The following GNB5 variants were observed in gnomAD, a reference collection of about 807,000 sequenced individuals.
The protein encoded by GNB5 is G protein subunit beta 5, also known as guanine nucleotide-binding protein subunit beta-5.
Under a neutral mutation model 55.3 loss-of-function variants are expected in GNB5, and 37 were observed. The observed-to-expected ratio is 0.67, with a 90% CI of 0.51 to 0.88. The LOEUF (loss-of-function observed/expected upper bound fraction) is 0.88, where lower values mean the gene tolerates loss of function less well. GNB5 is among the 40% of genes least tolerant of loss of function. The pLI is 0.00. For synonymous variants in GNB5, 219 were observed against 198.5 expected, an observed-to-expected ratio of 1.10 and a Z score of -0.87; for missense variants, 476 against 515.3, an observed-to-expected ratio of 0.92 and a Z score of 0.74.
Position 52,126,000 on chromosome 15 carries a change from A to G in GNB5, c.957T>C (p.Tyr319=). 6.3e-7 allele frequency: 1 copy of G among 1,590,422 alleles called. No homozygotes were observed. Among genetic ancestry groups the G allele is most frequent in the Middle Eastern group, 1.9e-4 (1 of 5,330 alleles). ...CTCCAAATATGATGCTTTCTTTGGAATAGATGGCAACCTCCCTATCTGCCC... is the reference window on the plus strand; with the variant it reads ...CTCCAAATATGATGCTTTCTTTGGAGTAGATGGCAACCTCCCTATCTGCCC... ...DLRADREVAI[Y]SKESIIFGAS... The change falls in exon 11 of 13, where the codon TAT becomes TAC. Residue 319 remains tyrosine, a synonymous_variant. Transcript: ENST00000261837.
chr15:52,172,739 C>A (rs1193531788), intron 3 of GNB5, among the ~76,000 whole-genome samples: 2 of 152,136 alleles, frequency 1.3e-5, no homozygotes, highest in African/African-American at 4.8e-5. Flanking sequence ...GTACTCCAGC[C>A]TGTGTGACAG....
chr15:52,127,855 T>C (rs2033467450), intron 10 of GNB5, among the ~76,000 whole-genome samples: 1 of 151,442 alleles, frequency 6.6e-6, no homozygotes, highest in Non-Finnish European at 1.5e-5. Flanking sequence ...TGTCCAAAAA[T>C]TGAAGACGAA....
intron 3 of GNB5, among the ~76,000 whole-genome samples, chr15:52,157,309 C>T (rs1003103496): frequency 3.8e-4 from 55 of 145,432 alleles, no homozygotes; most frequent in African/African-American, 1.3e-3. Context: ...TGCAGTGGTG[C>T]CATCTTGGCT....
chr15:52,131,997 T>G (rs2033590431), intron 9 of GNB5, among the ~76,000 whole-genome samples: 1 of 152,158 alleles, frequency 6.6e-6, no homozygotes. Context: ...AAAGCCCACC[T>G]CCTCCCGCTA....
At chr15:52,134,233 G>C (rs982165169) in intron 8 of GNB5, among the ~76,000 whole-genome samples, 1 of 152,212 alleles carries the variant, frequency 6.6e-6, no homozygotes, top group Non-Finnish European at 1.5e-5. Context: ...GAGTGGTCAT[G>C]TTATCAAGCT....
chr15:52,142,591 A>G (rs533686912), intron 6 of GNB5, among the ~76,000 whole-genome samples: 32 of 151,588 alleles, frequency 2.1e-4, no homozygotes, highest in Middle Eastern at 3.4e-3. Context: ...TATGACCCCT[A>G]TTGGTCCTTG....
intron 9 of GNB5, among the ~76,000 whole-genome samples, chr15:52,131,107 T>A (rs1004434330): frequency 3.3e-5 from 5 of 152,232 alleles, no homozygotes; most frequent in African/African-American, 1.2e-4. Context: ...ATTACAGGCG[T>A]GAGCCACGGT....
chr15:52,163,290 C>T (rs74015615), intron 3 of GNB5, among the ~76,000 whole-genome samples: 126 of 152,288 alleles, frequency 8.3e-4, no homozygotes, highest in African/African-American at 2.9e-3. Flanking sequence ...CAGGAGTTTT[C>T]GCAAACTCCG....
At chr15:52,139,817 T>C (rs2033809889) in intron 7 of GNB5, 2 of 1,258,640 alleles carry the variant, frequency 1.6e-6, no homozygotes, top group Non-Finnish European at 2.1e-6. Context: ...TCTCACCTAC[T>C]GGTGCCCCCT....
chr15:52,144,189 T>C (rs1442774148), intron 6 of GNB5: 1 of 152,250 alleles, frequency 6.6e-6, no homozygotes, highest in African/African-American at 2.4e-5. Flanking sequence ...CCATGGGAAT[T>C]CTTCCGCTGC....
At chr15:52,128,956 T>C (rs1446602662) in intron 9 of GNB5, among the ~76,000 whole-genome samples, 1 of 79,458 alleles carries the variant, frequency 1.3e-5, no homozygotes, top group African/African-American at 1.6e-4. Flanking sequence ...TGTTTCTCCT[T>C]TTTTTTTTTT....
At chr15:52,155,952 C>T (rs986181501) in intron 3 of GNB5, among the ~76,000 whole-genome samples, 16 of 152,156 alleles carry the variant, frequency 1.1e-4, no homozygotes, top group Admixed American at 5.2e-4. Flanking sequence ...CAAACCTCAA[C>T]GGCCTTATTT....
chr15:52,147,601 T>C lies in GNB5; in HGVS notation c.418-66A>G, dbSNP rs887660348. The C allele has an allele frequency of 4.4e-5, 37 of 842,346 alleles. 1 individual carries two copies. The highest frequency in any genetic ancestry group is 7.6e-5 in the Admixed American group (3 of 39,274). 52.2% of individuals were successfully genotyped at this position (842,346 alleles called of 1,614,324 possible). A position where few individuals can be genotyped will look rare whatever the true frequency, so the allele number is the denominator to read the frequency against. ...AAAAATCTTTTTTTTTTTTCTTTTT[T>C]TTTGAGATGGAGTCTCACTCTGTTG... On this transcript the variant is annotated intron_variant, in intron 5 of 12. Transcript: ENST00000261837.
In GNB5 at chr15:52,149,954, G is replaced by T. The variant is rs757202352; in HGVS notation, c.376-29C>A. The T allele has an allele frequency of 3.2e-6, 5 of 1,571,488 alleles. No individual in the cohort carries two copies. The African/African-American group carries it at 4.0e-5, about 13-fold the overall frequency. On this transcript the variant is annotated intron_variant, in intron 4 of 12. Coordinates refer to ENST00000261837, the MANE Select transcript of GNB5 (RefSeq NM_016194.4). ...GAGGGAGAAGAGCAAACAGTTTAGG[G>T]GTTGTCAAGTTCTTACAGATTACTG... is the stretch of plus-strand genomic sequence containing the variant.
intron 1 of GNB5, among the ~76,000 whole-genome samples, chr15:52,185,753 T>TTTATTATTATTATTATTATTA (rs9302164): frequency 7.3e-6 from 1 of 136,724 alleles, no homozygotes; most frequent in African/African-American, 2.7e-5. Flanking sequence ...TATTCATCTT[T>TTTATTATTATTATTATTATTA]TTATTATTAT....
At chr15:52,134,437 T>A (rs567984852) in intron 8 of GNB5, among the ~76,000 whole-genome samples, 2 of 143,328 alleles carry the variant, frequency 1.4e-5, no homozygotes, top group South Asian at 4.2e-4. Flanking sequence ...TTACTGAAAA[T>A]GTGGGCAAAG....
At chr15:52,124,742 A>C (rs2033377501) in intron 11 of GNB5, 103 bp from the exon 12 acceptor site, 8 of 974,846 alleles carry the variant, frequency 8.2e-6, no homozygotes, top group Non-Finnish European at 1.3e-5. Context: ...ATTCAGGCGC[A>C]CTGAGTCCTA....
At chr15:52,190,994 A>T (rs1346720890) in intron 1 of GNB5, among the ~76,000 whole-genome samples, 1 of 152,210 alleles carries the variant, frequency 6.6e-6, no homozygotes, top group African/African-American at 2.4e-5. Flanking sequence ...AGCTGTACTC[A>T]GAGGCTTATG....
rs5812581 is a variant in GNB5 at position 52,122,977 on chromosome 15, C to CA, written c.1177-210dup. On this transcript the variant is annotated intron_variant, in intron 12 of 12. Transcript: ENST00000261837. ...GGATAACACTGTACTCCTAGCAATG[C>CA]AAAGGTGCTTCTTTGGACCTGATCT... is the stretch of plus-strand genomic sequence containing the variant. Among the ~76,000 whole-genome samples, 38,373 of 151,908 alleles carry CA rather than the reference C, an allele frequency of 0.25. 6,549 individuals carry two copies. Among genetic ancestry groups the CA allele is most frequent in the African/African-American group, 0.49 (20,219 of 41,358 alleles).
Sources: allele counts gnomAD v4.1 joint callset (sites outside exome capture counted in the v4.1 genomes callset), GRCh38; gene constraint gnomAD v4.1.1; transcripts MANE v1.5; gene names NCBI Gene and HGNC (gene_info 2026-07-23, HGNC 2026-07-21).